The following TMCO5A variants were observed in gnomAD, a reference collection of about 807,000 sequenced individuals.
TMCO5A encodes the protein transmembrane and coiled-coil domain-containing protein 5A.
In TMCO5A, 34 loss-of-function variants were observed where a neutral mutation model predicts 42.3. The ratio of observed to expected loss-of-function variants is 0.80; its 90% confidence interval spans 0.61 to 1.07. The LOEUF (loss-of-function observed/expected upper bound fraction) is 1.07. Ranked by LOEUF, TMCO5A falls within the 50% of genes least tolerant of loss-of-function variation. The pLI is 0.00. For synonymous variants in TMCO5A, 131 were observed against 115.6 expected, an observed-to-expected ratio of 1.13 and a Z score of -0.86; for missense variants, 357 against 327.9, an observed-to-expected ratio of 1.09 and a Z score of -0.69.
At chr15:37,950,898 A>T in intron 11 of TMCO5A, 138 bp from the exon 12 acceptor site, 1 of 694,868 alleles carries the variant, frequency 1.4e-6, no homozygotes, top group East Asian at 2.7e-5. Flanking sequence ...AGCTGCCATT[A>T]TAAAAGGTTG....
At chr15:37,984,847 CTGT>C in the TMCO5A span, 1 of 151,910 alleles carries the variant, frequency 6.6e-6, no homozygotes, top group South Asian at 2.1e-4. Context: ...TGAGACATTT[CTGT>C]TGTTTATAAC....
At chr15:38,030,259 C>T in the TMCO5A span, among the ~76,000 whole-genome samples, 1 of 152,170 alleles carries the variant, frequency 6.6e-6, no homozygotes, top group Non-Finnish European at 1.5e-5. Flanking sequence ...ATCGTTCTAT[C>T]CCTGTCTAAC....
chr15:37,943,162 T>A (rs1031352605), intron 9 of TMCO5A, 179 bp from the exon 10 acceptor site: 6 of 514,526 alleles, frequency 1.2e-5, no homozygotes, highest in Non-Finnish European at 2.0e-5. Flanking sequence ...ACATAAAAGA[T>A]GTACTCAACT....
downstream of TMCO5A, chr15:37,951,467 C>T: frequency 2.2e-6 from 1 of 450,100 alleles, no homozygotes; most frequent in Non-Finnish European, 3.9e-6. Flanking sequence ...TGATAGTAAA[C>T]AAATTTGACC....
the TMCO5A span, among the ~76,000 whole-genome samples, chr15:38,034,419 A>T: frequency 0.015 from 2,275 of 152,300 alleles, 63 homozygotes; most frequent in African/African-American, 0.052. Flanking sequence ...TATACCTGGG[A>T]CATTGAGTGA....
At chr15:38,010,647 A>G in the TMCO5A span, among the ~76,000 whole-genome samples, 1 of 152,118 alleles carries the variant, frequency 6.6e-6, no homozygotes, top group Non-Finnish European at 1.5e-5. Context: ...CTCCATAACC[A>G]TGAAAAAATA....
chr15:37,983,978 C>A, the TMCO5A span, among the ~76,000 whole-genome samples: 1 of 152,008 alleles, frequency 6.6e-6, no homozygotes, highest in African/African-American at 2.4e-5. Flanking sequence ...GGTGATCCAC[C>A]CACCTCGGTC....
chr15:38,015,399 A>C, the TMCO5A span, among the ~76,000 whole-genome samples: 1 of 152,168 alleles, frequency 6.6e-6, no homozygotes, highest in Non-Finnish European at 1.5e-5. Context: ...AAACACTGAC[A>C]ACACCAAGTG....
the TMCO5A span, among the ~76,000 whole-genome samples, chr15:38,030,746 A>T: frequency 2.0e-5 from 3 of 152,266 alleles, no homozygotes; most frequent in African/African-American, 7.2e-5. Flanking sequence ...TCCCCCAAAC[A>T]AGCCTTTCTC....
chr15:37,950,604 T>C (rs183862287), intron 11 of TMCO5A, among the ~76,000 whole-genome samples: 12 of 152,272 alleles, frequency 7.9e-5, no homozygotes, highest in Admixed American at 6.5e-4. Context: ...GAAATGCATA[T>C]TGAAGCCATA....
chr15:38,003,983 G>T, the TMCO5A span, among the ~76,000 whole-genome samples: 1 of 151,936 alleles, frequency 6.6e-6, no homozygotes, highest in African/African-American at 2.4e-5. Context: ...GTCTCTTTTT[G>T]TAAGGCCCAC....
chr15:37,978,349 C>T, the TMCO5A span, among the ~76,000 whole-genome samples: 1 of 152,184 alleles, frequency 6.6e-6, no homozygotes, highest in African/African-American at 2.4e-5. Flanking sequence ...GAGAGATTGT[C>T]AGTTGCCACT....
the TMCO5A span, among the ~76,000 whole-genome samples, chr15:37,994,291 A>T: frequency 6.6e-6 from 1 of 152,070 alleles, no homozygotes; most frequent in African/African-American, 2.4e-5. Flanking sequence ...AGTGTTCAAT[A>T]AAAAGGACAA....
chr15:37,989,533 C>T, the TMCO5A span, among the ~76,000 whole-genome samples: 17 of 151,852 alleles, frequency 1.1e-4, no homozygotes, highest in African/African-American at 4.1e-4. Context: ...TTTCTAATTT[C>T]CCTTGTAATT....
At chr15:37,961,867 C>T (rs2140815788) in intron 11 of TMCO5A, among the ~76,000 whole-genome samples, 1 of 151,972 alleles carries the variant, frequency 6.6e-6, no homozygotes, top group East Asian at 1.9e-4. Flanking sequence ...AGAAGAGCTA[C>T]TGATTTGTGT....
chr15:37,960,609 G>A (rs1292088508), intron 11 of TMCO5A, among the ~76,000 whole-genome samples: 1 of 152,070 alleles, frequency 6.6e-6, no homozygotes, highest in Middle Eastern at 3.2e-3. Context: ...TCTCCACACT[G>A]TTTTCCATAG....
chr15:37,954,798 G>A (rs1595603012), downstream of TMCO5A, among the ~76,000 whole-genome samples: 1 of 152,174 alleles, frequency 6.6e-6, no homozygotes, highest in East Asian at 1.9e-4. Flanking sequence ...AAGTTAAAAA[G>A]TGGGGGTACA....
At chr15:37,988,729 T>A in the TMCO5A span, among the ~76,000 whole-genome samples, 1 of 152,200 alleles carries the variant, frequency 6.6e-6, no homozygotes, top group East Asian at 1.9e-4. Flanking sequence ...CTCTTTAATA[T>A]GCTGTTAAAT....
chr15:37,967,377 G>A (rs996558583), exon 12 of TMCO5A: 5 of 152,104 alleles, frequency 3.3e-5, no homozygotes, highest in African/African-American at 9.7e-5. Flanking sequence ...TATTTTCTAG[G>A]CATTGTGCAA....
Sources: allele counts gnomAD v4.1 joint callset (sites outside exome capture counted in the v4.1 genomes callset), GRCh38; gene constraint gnomAD v4.1.1; transcripts MANE v1.5; gene names NCBI Gene and HGNC (gene_info 2026-07-23, HGNC 2026-07-21).